Variants in NPIPB7 observed in about 807,000 individuals in gnomAD.
The protein encoded by NPIPB7 is nuclear pore complex interacting protein family member B7.
For synonymous variants in NPIPB7, 9 were observed against 88.1 expected (o/e 0.10, Z 5.03); for missense variants, 14 against 238.5 (o/e 0.06, Z 6.20).
chr16:28,467,486 TG>T (rs2045911417), intron 1 of NPIPB7, among the ~76,000 whole-genome samples: 1 of 145,086 alleles, frequency 6.9e-6, no homozygotes, highest in South Asian at 2.2e-4. Flanking sequence ...CTTGAACTCC[TG>T]GCAGGCGATC....
At chr16:28,463,285 G>C (rs1376675243) in intron 2 of NPIPB7, among the ~76,000 whole-genome samples, 2 of 137,846 alleles carry the variant, frequency 1.5e-5, no homozygotes, top group East Asian at 5.3e-4. Context: ...CAAGCTACTC[G>C]GGAGGCTGAG....
chr16:28,472,001 G>C (rs1258801748), upstream of NPIPB7, among the ~76,000 whole-genome samples: 2 of 152,084 alleles, frequency 1.3e-5, no homozygotes, highest in Non-Finnish European at 2.9e-5. Flanking sequence ...CTGCACTCCA[G>C]TCTGAGCAAC....
At chr16:28,468,798 C>T (rs1457474834) in intron 1 of NPIPB7, among the ~76,000 whole-genome samples, 1 of 85,028 alleles carries the variant, frequency 1.2e-5, no homozygotes, top group Non-Finnish European at 2.5e-5. Flanking sequence ...CAGAGTGAGA[C>T]TCTGTCTCAA....
chr16:28,472,330 G>T (rs562113433), upstream of NPIPB7, among the ~76,000 whole-genome samples: 1 of 151,432 alleles, frequency 6.6e-6, no homozygotes, highest in Non-Finnish European at 1.5e-5. Flanking sequence ...TCAAGGTTAC[G>T]GTGAGCTATG....
chr16:28,465,521 T>C (rs1201955790), intron 2 of NPIPB7, among the ~76,000 whole-genome samples: 1 of 148,168 alleles, frequency 6.7e-6, no homozygotes, highest in Non-Finnish European at 1.5e-5. Flanking sequence ...AAAAGCTTCC[T>C]CCAATTTATA....
At chr16:28,464,833 C>T (rs1407005364) in intron 2 of NPIPB7, among the ~76,000 whole-genome samples, 1 of 150,004 alleles carries the variant, frequency 6.7e-6, no homozygotes, top group South Asian at 2.1e-4. Context: ...TTTGTTTTTT[C>T]CTGATTTCTG....
At chr16:28,470,675 A>T (rs1423493825), upstream of NPIPB7, 1 of 460,970 alleles carries the variant, frequency 2.2e-6, no homozygotes, top group African/African-American at 2.1e-5. Context: ...AGGGAAGGGA[A>T]AGGAGGAGAA....
chr16:28,465,496 A>G lies in NPIPB7; in HGVS notation c.249+1224T>C, dbSNP rs1329504031. Reference sequence around the variant, plus strand: ...GGAGACTCGTCTCGGGGGTGAGAAAAGAAAAAAAAAAAAAAAAAGCTTCCT... The same window carrying G: ...GGAGACTCGTCTCGGGGGTGAGAAAGGAAAAAAAAAAAAAAAAAGCTTCCT... On this transcript the variant is annotated intron_variant, in intron 2 of 6. Transcript: ENST00000452313. Among the ~76,000 whole-genome samples the G allele has an allele frequency of 2.8e-5, 4 of 144,248 alleles. No homozygotes were observed. The East Asian group carries it at 7.9e-4, about 28-fold the overall frequency. The allele number at this position is 144,248 out of a possible 152,430, so 94.6% of individuals were successfully genotyped here.
At chr16:28,468,790 G>C (rs559513131) in intron 1 of NPIPB7, among the ~76,000 whole-genome samples, 1 of 100,078 alleles carries the variant, frequency 1.0e-5, no homozygotes, top group Non-Finnish European at 2.2e-5. Context: ...CTGGGTGACA[G>C]AGTGAGACTC....
chr16:28,465,606 T>C (rs1197109728), intron 2 of NPIPB7, among the ~76,000 whole-genome samples: 3 of 132,896 alleles, frequency 2.3e-5, no homozygotes, highest in African/African-American at 8.0e-5. Context: ...AACTCATATA[T>C]TTTCTGTTTT....
rs1168333643 is a variant in NPIPB7 at position 28,465,497 on chromosome 16, GAAA to G, written c.249+1220_249+1222del. ...GAGACTCGTCTCGGGGGTGAGAAAA[GAAA>G]AAAAAAAAAAAAAAGCTTCCTCCAA... is the stretch of plus-strand genomic sequence containing the variant. On this transcript the variant is annotated intron_variant, in intron 2 of 6. Coordinates refer to ENST00000452313, the Ensembl canonical transcript of NPIPB7. Among the ~76,000 whole-genome samples, 4 of 74,334 alleles carry G rather than the reference GAAA, an allele frequency of 5.4e-5. No homozygotes were observed. The Admixed American group carries it at 5.8e-4, about 11-fold the overall frequency. The allele number at this position is 74,334 out of a possible 152,430, so 48.8% of individuals were successfully genotyped here.
intron 4 of NPIPB7, among the ~76,000 whole-genome samples, chr16:28,461,194 G>A (rs1302770543): frequency 2.7e-5 from 4 of 150,750 alleles, no homozygotes; most frequent in South Asian, 4.2e-4. Flanking sequence ...CAATGAAAGC[G>A]ACCCGTACTG....
exon 7 of NPIPB7, chr16:28,457,018 C>A: frequency 7.9e-7 from 1 of 1,266,092 alleles, no homozygotes; most frequent in Non-Finnish European, 1.1e-6. Context: ...CCGCTGCCGC[C>A]ATTCTGACCT....
rs1491566669 is a variant in NPIPB7, at chr16:28,456,864, ACT to A, written c.803_804del (p.Glu268ValfsTer12). On this transcript the variant is annotated frameshift_variant, in exon 7 of 7. Transcript: ENST00000452313. LOFTEE classifies it high-confidence loss of function. Reference sequence around the variant, plus strand: ...GAGGGTGGAAGGGGAGTGAGCAGACACTCGGGAGGTGTCTTGAGGCTCAGGGA... The same window carrying A: ...GAGGGTGGAAGGGGAGTGAGCAGACACGGGAGGTGTCTTGAGGCTCAGGGA... 5.0e-6 allele frequency: 7 copies of A among 1,390,828 alleles called. No individual in the cohort carries two copies. The African/African-American group carries it at 9.1e-5, about 18-fold the overall frequency. The allele number at this position is 1,390,828 out of a possible 1,614,324, so 86.2% of individuals were successfully genotyped here. A position where few individuals can be genotyped will look rare whatever the true frequency, so the allele number is the denominator to read the frequency against.
At chr16:28,470,731 AG>A, upstream of NPIPB7, among the ~76,000 whole-genome samples, 1 of 150,670 alleles carries the variant, frequency 6.6e-6, no homozygotes, top group South Asian at 2.1e-4. Context: ...AGAAGAAGAA[AG>A]GGGTCTGGGA....
intron 2 of NPIPB7, among the ~76,000 whole-genome samples, chr16:28,465,484 G>C (rs1440443469): frequency 2.1e-5 from 3 of 141,710 alleles, no homozygotes; most frequent in East Asian, 2.0e-4. Context: ...GACTCGTCTC[G>C]GGGGTGAGAA....
intron 4 of NPIPB7, among the ~76,000 whole-genome samples, chr16:28,462,152 G>A (rs1482680942): frequency 6.6e-6 from 1 of 150,656 alleles, no homozygotes; most frequent in Non-Finnish European, 1.5e-5. Flanking sequence ...GGGTGTGGTG[G>A]CTCACGCCTC....
chr16:28,469,783 G>T, intron 1 of NPIPB7: 1 of 366,034 alleles, frequency 2.7e-6, no homozygotes, highest in Non-Finnish European at 5.2e-6. Context: ...TCAAGAGATG[G>T]AGACTATCCT....
In NPIPB7 at chr16:28,470,547, G is replaced by A. The variant is rs371249939; in HGVS notation, c.-109C>T. The A allele has an allele frequency of 2.4e-4, 42 of 174,296 alleles. 1 individual carries two copies. Among genetic ancestry groups the A allele is most frequent in the Middle Eastern group, 2.2e-3 (1 of 450 alleles). The allele number at this position is 174,296 out of a possible 1,614,324, so 10.8% of individuals were successfully genotyped here. A position where few individuals can be genotyped will look rare whatever the true frequency, so the allele number is the denominator to read the frequency against. Reference sequence around the variant, plus strand: ...ACCGGGGCCGGATCTGAGTTGGGGCGGGGGAGGGGAGGGGGAGGGGAAGGG... The same window carrying A: ...ACCGGGGCCGGATCTGAGTTGGGGCAGGGGAGGGGAGGGGGAGGGGAAGGG... On this transcript the variant is annotated 5_prime_UTR_variant, in exon 1 of 7. Transcript: ENST00000452313.
Sources: gnomAD v4.1 joint callset for allele counts (sites outside exome capture counted in the v4.1 genomes callset) on GRCh38, gnomAD v4.1.1 for gene constraint, MANE v1.5 for transcripts, NCBI Gene and HGNC (gene_info 2026-07-23, HGNC 2026-07-21) for gene names.